The following PTPRR variants were observed in gnomAD, a reference collection of about 807,000 sequenced individuals.
The protein encoded by PTPRR is protein tyrosine phosphatase receptor type R.
A neutral mutation model predicts 77.2 loss-of-function variants in PTPRR; 38 were observed. The observed-to-expected ratio is 0.49, with a 90% CI of 0.38 to 0.65. PTPRR has a LOEUF of 0.65. PTPRR is among the 30% of genes least tolerant of loss of function. PTPRR has a pLI of 0.00. For synonymous variants in PTPRR, 299 were observed against 283.1 expected (o/e 1.06, Z -0.57); for missense variants, 744 against 799.2 (o/e 0.93, Z 0.83).
rs1390881579 is a variant in PTPRR at position 70,919,682 on chromosome 12, T to TG, written c.58+650_58+651insC. ...CTTTGGAACTGTAATTGTTTTTTTT[T>TG]TTTTTTTTTTTTTTTTTTTTTTTAA... On this transcript the variant is annotated intron_variant, in intron 1 of 13. Coordinates refer to ENST00000283228, the MANE Select transcript of PTPRR (RefSeq NM_002849.4). Among the ~76,000 whole-genome samples the TG allele has an allele frequency of 5.8e-4, 12 of 20,744 alleles. No homozygotes were observed. In the South Asian group the frequency reaches 0.037, roughly 64 times the overall value. 13.6% of individuals were successfully genotyped at this position (20,744 alleles called of 152,430 possible).
rs370899445 is a variant in PTPRR, at chr12:70,745,110, G to C, written c.1007+708C>G. Among the ~76,000 whole-genome samples, 8 of 152,216 alleles carry C rather than the reference G, an allele frequency of 5.3e-5. No homozygotes were observed. The South Asian group carries it at 1.7e-3, about 32-fold the overall frequency. On this transcript the variant is annotated intron_variant, in intron 6 of 13. Coordinates refer to ENST00000283228, the MANE Select transcript of PTPRR (RefSeq NM_002849.4). ...GATAGAGTTTCACTCTGTTGCCAAG[G>C]CTGGAGTGCAGTGATGCTATCTCGG...
intron 8 of PTPRR, among the ~76,000 whole-genome samples, chr12:70,694,127 C>T (rs1308455588): frequency 6.6e-6 from 1 of 152,008 alleles, no homozygotes; most frequent in African/African-American, 2.4e-5. Flanking sequence ...CTTGCTTTAG[C>T]TACATAACTT....
intron 10 of PTPRR, among the ~76,000 whole-genome samples, chr12:70,683,207 T>C (rs1887738483): frequency 2.0e-5 from 3 of 152,192 alleles, no homozygotes; most frequent in Admixed American, 1.3e-4. Context: ...ATTCTTACTG[T>C]CATGGTGAAG....
At chr12:70,775,231 C>A (rs1454505937) in intron 2 of PTPRR, among the ~76,000 whole-genome samples, 2 of 152,164 alleles carry the variant, frequency 1.3e-5, no homozygotes, top group African/African-American at 4.8e-5. Context: ...TCTTCCAATT[C>A]TACCTATATT....
At chr12:70,828,366 T>A (rs1892153136) in intron 2 of PTPRR, among the ~76,000 whole-genome samples, 1 of 151,920 alleles carries the variant, frequency 6.6e-6, no homozygotes, top group African/African-American at 2.4e-5. Context: ...AAAAAACACA[T>A]TCTTCAGTCC....
chr12:70,674,703 T>C (rs954108947), intron 10 of PTPRR, among the ~76,000 whole-genome samples: 1 of 152,160 alleles, frequency 6.6e-6, no homozygotes, highest in Non-Finnish European at 1.5e-5. Context: ...TATTATGAGA[T>C]TATTGATTGG....
intron 2 of PTPRR, among the ~76,000 whole-genome samples, chr12:70,765,086 G>A (rs1248791670): frequency 6.6e-6 from 1 of 152,212 alleles, no homozygotes; most frequent in Admixed American, 6.5e-5. Flanking sequence ...GAGTGATGCA[G>A]AAGATGGGTG....
intron 6 of PTPRR, among the ~76,000 whole-genome samples, chr12:70,723,175 A>G (rs534573975): frequency 6.6e-6 from 1 of 152,156 alleles, no homozygotes; most frequent in East Asian, 1.9e-4. Context: ...CTTGGGAACA[A>G]AATTGATTGG....
At chr12:70,795,215 C>A (rs1891490610) in intron 2 of PTPRR, among the ~76,000 whole-genome samples, 1 of 152,118 alleles carries the variant, frequency 6.6e-6, no homozygotes, top group Admixed American at 6.5e-5. Context: ...TCAAATGACC[C>A]TTTCTCAGGG....
At chr12:70,819,976 A>G (rs1212272474) in intron 2 of PTPRR, among the ~76,000 whole-genome samples, 1 of 152,218 alleles carries the variant, frequency 6.6e-6, no homozygotes, top group Non-Finnish European at 1.5e-5. Context: ...TGAAACCTTA[A>G]GCCAAAAAAT....
chr12:70,836,787 TC>T (rs1338477896), intron 2 of PTPRR, among the ~76,000 whole-genome samples: 1 of 152,024 alleles, frequency 6.6e-6, no homozygotes, highest in Non-Finnish European at 1.5e-5. Flanking sequence ...GGGAAGCTTT[TC>T]TTAACCTCTC....
At chr12:70,786,717 A>G (rs74101597) in intron 2 of PTPRR, among the ~76,000 whole-genome samples, 217 of 152,308 alleles carry the variant, frequency 1.4e-3, no homozygotes, top group African/African-American at 5.1e-3. Context: ...TTTCACTTCA[A>G]TGGCTGTAAT....
chr12:70,840,235 A>T (rs1187094019), intron 2 of PTPRR, among the ~76,000 whole-genome samples: 1 of 152,008 alleles, frequency 6.6e-6, no homozygotes, highest in Non-Finnish European at 1.5e-5. Context: ...TCTACAGGTT[A>T]TCGTGTTTCT....
intron 6 of PTPRR, among the ~76,000 whole-genome samples, chr12:70,703,332 T>C (rs1251287292): frequency 5.3e-5 from 8 of 152,190 alleles, no homozygotes; most frequent in African/African-American, 1.9e-4. Context: ...TTCTTAACTC[T>C]TTTGGATCAC....
At chr12:70,675,553 C>T (rs745357794) in intron 10 of PTPRR, among the ~76,000 whole-genome samples, 7 of 151,912 alleles carry the variant, frequency 4.6e-5, no homozygotes, top group Non-Finnish European at 8.8e-5. Flanking sequence ...TTTTAACTTT[C>T]CTCATCTTCT....
intron 2 of PTPRR, among the ~76,000 whole-genome samples, chr12:70,859,317 C>T (rs1045072070): frequency 1.3e-5 from 2 of 151,982 alleles, no homozygotes; most frequent in African/African-American, 4.8e-5. Context: ...ATATTATTCC[C>T]CTTCATCTGA....
At chr12:70,722,100 C>A (rs1456830416) in intron 6 of PTPRR, among the ~76,000 whole-genome samples, 1 of 152,284 alleles carries the variant, frequency 6.6e-6, no homozygotes, top group Non-Finnish European at 1.5e-5. Flanking sequence ...ATGCGCCCCC[C>A]GTGGACGCTT....
chr12:70,754,356 G>A (rs146724155), intron 4 of PTPRR, 55 bp from the exon 5 acceptor site: 28 of 1,603,644 alleles, frequency 1.7e-5, no homozygotes, highest in South Asian at 1.0e-4. Flanking sequence ...GAAAACTGGC[G>A]TTCTTATCAG....
intron 6 of PTPRR, among the ~76,000 whole-genome samples, chr12:70,731,113 A>AGGAGAGAG (rs1221318731): frequency 3.6e-5 from 5 of 138,394 alleles, no homozygotes; most frequent in African/African-American, 1.6e-4. Context: ...AGAGGAAGGA[A>AGGAGAGAG]GGAGGAAGGA....
Sources: allele counts gnomAD v4.1 joint callset (sites outside exome capture counted in the v4.1 genomes callset), GRCh38; gene constraint gnomAD v4.1.1; transcripts MANE v1.5; gene names NCBI Gene and HGNC (gene_info 2026-07-23, HGNC 2026-07-21).